Variants in CDH4 observed in about 807,000 individuals in gnomAD.
CDH4 encodes cadherin-4.
A neutral mutation model predicts 86.0 loss-of-function variants in CDH4; 33 were observed. That is an observed-to-expected ratio of 0.38 (90% CI 0.29 to 0.51). The LOEUF is 0.51. Among genes scored for constraint, CDH4 ranks in the 20% least tolerant of loss-of-function variants. CDH4 has a pLI of 0.86. For missense variants in CDH4, 1,114 were observed against 1,307.4 expected, an observed-to-expected ratio of 0.85 and a Z score of 2.28; for synonymous variants, 555 against 549.4, an observed-to-expected ratio of 1.01 and a Z score of -0.14.
At chr20:61,614,895 A>G (rs1335039528) in intron 2 of CDH4, among the ~76,000 whole-genome samples, 2 of 151,968 alleles carry the variant, frequency 1.3e-5, no homozygotes, top group Non-Finnish European at 2.9e-5. Context: ...TTCTCCCAGC[A>G]CTGACTCCCA....
intron 4 of CDH4, among the ~76,000 whole-genome samples, chr20:61,817,035 T>G (rs1286382048): frequency 1.3e-5 from 2 of 152,246 alleles, no homozygotes; most frequent in African/African-American, 4.8e-5. Flanking sequence ...GAAGAGCATC[T>G]GTTTCCGTTA....
intron 2 of CDH4, among the ~76,000 whole-genome samples, chr20:61,386,617 C>T (rs6121432): frequency 0.25 from 37,483 of 152,130 alleles, 5,005 homozygotes; most frequent in African/African-American, 0.34. Context: ...TCTGCCCTTC[C>T]TAGAGAACTG....
intron 2 of CDH4, among the ~76,000 whole-genome samples, chr20:61,716,507 C>T (rs2087956467): frequency 6.6e-6 from 1 of 152,242 alleles, no homozygotes; most frequent in South Asian, 2.1e-4. Flanking sequence ...TGCTGCTTTT[C>T]ACCTGTCCAC....
At chr20:61,571,877 G>C (rs979798690) in intron 2 of CDH4, among the ~76,000 whole-genome samples, 9 of 151,680 alleles carry the variant, frequency 5.9e-5, no homozygotes, top group African/African-American at 1.9e-4. Flanking sequence ...ATCACATGTG[G>C]TGTCCCTACC....
Position 61,417,872 on chromosome 20 carries a change from C to T in CDH4, c.169+162935C>T, listed in dbSNP as rs1451718683. Among the ~76,000 whole-genome samples, 2 of 152,214 alleles carry T rather than the reference C, an allele frequency of 1.3e-5. No individual in the cohort carries two copies. Among genetic ancestry groups the T allele is most frequent in the South Asian group, 4.2e-4 (2 of 4,816 alleles). ...CTGGGCCAAGGGGCCAGGCCAGGAG[C>T]AGCAGGGCCCTTCATGCTCAGAGGC... On this transcript the variant is annotated intron_variant, in intron 2 of 15. Coordinates refer to ENST00000614565, the MANE Select transcript of CDH4 (RefSeq NM_001794.5). This position sits in a 1 kb window ranked among gnomAD's most constrained non-coding sequence, Gnocchi z 4.0.
intron 2 of CDH4, among the ~76,000 whole-genome samples, chr20:61,427,233 T>A (rs1452665398): frequency 6.6e-6 from 1 of 152,200 alleles, no homozygotes; most frequent in African/African-American, 2.4e-5. Flanking sequence ...GCCCTGTGTG[T>A]GCAGGGAGCT....
chr20:61,254,846 A>G lies in CDH4; in HGVS notation c.78A>G (p.Thr26=), dbSNP rs774747207. ...GALRAHNEDL[T]TRETCKAGFS... The stretch of plus-strand genomic sequence containing the variant: ...CTCAGGCCCATAATGAGGATCTTAC[A>G]ACTAGAGAGACCTGCAAGGCTGGGT... The change falls in exon 2 of 16, where the codon ACA becomes ACG. Residue 26 remains threonine (T), a synonymous_variant. Coordinates refer to ENST00000614565, the MANE Select transcript of CDH4 (RefSeq NM_001794.5). The G allele has an allele frequency of 1.2e-5, 20 of 1,608,862 alleles. No homozygotes were observed. In the Admixed American group the frequency reaches 3.2e-4, roughly 25 times the overall value.
intron 2 of CDH4, among the ~76,000 whole-genome samples, chr20:61,660,980 A>C (rs989408481): frequency 2.0e-5 from 3 of 151,432 alleles, no homozygotes; most frequent in African/African-American, 7.3e-5. Context: ...TTCTGCTCTG[A>C]ATTGCTACTA....
At position 61,582,690 on chromosome 20, in the gene CDH4, G is replaced by C. The variant is rs1375184494; in HGVS notation, c.170-160873G>C. 6.6e-6 allele frequency among the ~76,000 whole-genome samples: 1 copy of C among 152,164 alleles called. No individual in the cohort carries two copies. Among genetic ancestry groups the C allele is most frequent in the South Asian group, 2.1e-4 (1 of 4,828 alleles). On this transcript the variant is annotated intron_variant, in intron 2 of 15. Transcript: ENST00000614565. The surrounding 1 kb of genome is among the most constrained non-coding windows in gnomAD (Gnocchi z 4.2). ...CAGGAGCCTGTCTTCTGAGGCTGGG[G>C]ACACAAGCCAGCCCTGCAGGCTCCA... is the stretch of plus-strand genomic sequence containing the variant.
chr20:61,488,834 C>T (rs1046684899), intron 2 of CDH4, among the ~76,000 whole-genome samples: 1 of 152,144 alleles, frequency 6.6e-6, no homozygotes, highest in Non-Finnish European at 1.5e-5. Flanking sequence ...TCACCATGGA[C>T]CTTGCCATTC....
chr20:61,476,096 TTAA>T (rs759328811), intron 2 of CDH4, among the ~76,000 whole-genome samples: 1 of 152,176 alleles, frequency 6.6e-6, no homozygotes, highest in Non-Finnish European at 1.5e-5. Flanking sequence ...TTAATGCAGG[TTAA>T]TGAGGACACG....
chr20:61,386,147 G>A (rs577902556), intron 2 of CDH4, among the ~76,000 whole-genome samples: 103 of 152,240 alleles, frequency 6.8e-4, no homozygotes, highest in African/African-American at 2.4e-3. Context: ...CTCATTGTTC[G>A]CCTTTCCTGG....
intron 2 of CDH4, among the ~76,000 whole-genome samples, chr20:61,469,762 C>T (rs2427122): frequency 0.46 from 70,148 of 151,866 alleles, 16,508 homozygotes; most frequent in Admixed American, 0.53. Context: ...GGATCTGGTT[C>T]TATTCTTCTG....
chr20:61,858,724 C>T (rs1039768583), intron 6 of CDH4, among the ~76,000 whole-genome samples: 2 of 152,172 alleles, frequency 1.3e-5, no homozygotes, highest in African/African-American at 4.8e-5. Context: ...TCTGGATGTA[C>T]AGCCAGGTCG....
At chr20:61,364,782 T>G (rs2123325160) in intron 2 of CDH4, among the ~76,000 whole-genome samples, 1 of 152,356 alleles carries the variant, frequency 6.6e-6, no homozygotes, top group African/African-American at 2.4e-5. Flanking sequence ...ATGATGAGGC[T>G]GCCTCAGCAG....
chr20:61,317,304 G>A (rs1202159434), intron 2 of CDH4, among the ~76,000 whole-genome samples: 4 of 152,092 alleles, frequency 2.6e-5, no homozygotes, highest in African/African-American at 7.2e-5. Flanking sequence ...TCCGCCTCCC[G>A]GTTTCACGCC....
At chr20:61,325,236 A>AT (rs1349386540) in intron 2 of CDH4, among the ~76,000 whole-genome samples, 1 of 151,390 alleles carries the variant, frequency 6.6e-6, no homozygotes, top group African/African-American at 2.4e-5. Flanking sequence ...AAAAAAAAAA[A>AT]GTCTTGGCTT....
At chr20:61,262,796 C>T (rs562487275) in intron 2 of CDH4, among the ~76,000 whole-genome samples, 5 of 149,664 alleles carry the variant, frequency 3.3e-5, no homozygotes, top group Admixed American at 2.7e-4. Flanking sequence ...CTCCCTCCCT[C>T]CTTCCCTCCT....
In CDH4 at chr20:61,480,021, A is replaced by G. The variant is rs1307584593; in HGVS notation, c.169+225084A>G. Among the ~76,000 whole-genome samples the G allele has an allele frequency of 1.3e-5, 2 of 152,180 alleles. No homozygotes were observed. Among genetic ancestry groups the G allele is most frequent in the Admixed American group, 6.5e-5 (1 of 15,288 alleles). ...ATTTCAGACCTTATAGTTTTCATCT[A>G]TAGAAGTCTGATTCGGGACATCTTT... On this transcript the variant is annotated intron_variant, in intron 2 of 15. Transcript: ENST00000614565. The surrounding 1 kb of genome is among the most constrained non-coding windows in gnomAD (Gnocchi z 5.2).
Sources: gnomAD v4.1 joint callset for allele counts (sites outside exome capture counted in the v4.1 genomes callset) on GRCh38, gnomAD v4.1.1 for gene constraint, Gnocchi (gnomAD v3.1) non-coding constraint, MANE v1.5 for transcripts, NCBI Gene and HGNC (gene_info 2026-07-23, HGNC 2026-07-21) for gene names.